KIRREL3: variants seen among roughly 807,000 people sequenced by gnomAD.
KIRREL3 encodes the protein kin of IRRE-like protein 3.
Under a neutral mutation model 89.7 loss-of-function variants are expected in KIRREL3, and 36 were observed. The observed-to-expected ratio is 0.40, with a 90% CI of 0.31 to 0.53. The LOEUF is 0.53. Among genes scored for constraint, KIRREL3 ranks in the 20% least tolerant of loss-of-function variants. KIRREL3 has a pLI of 0.49. For synonymous variants in KIRREL3, 445 were observed against 441.4 expected, an observed-to-expected ratio of 1.01 and a Z score of -0.10; for missense variants, 864 against 1,056.6, an observed-to-expected ratio of 0.82 and a Z score of 2.53.
chr11:126,787,979 A>G (rs11220608), intron 1 of KIRREL3, among the ~76,000 whole-genome samples: 37,864 of 152,084 alleles, frequency 0.25, 4,793 homozygotes, highest in South Asian at 0.3. Context: ...TGTAGCTTCT[A>G]TTATCATCAT....
chr11:126,887,977 T>C (rs1038654019), intron 1 of KIRREL3, among the ~76,000 whole-genome samples: 28 of 152,210 alleles, frequency 1.8e-4, no homozygotes, highest in Non-Finnish European at 3.2e-4. Context: ...TGAGTGGTCT[T>C]GGGCAAATCT....
intron 1 of KIRREL3, among the ~76,000 whole-genome samples, chr11:126,757,813 T>A (rs1387324676): frequency 1.3e-5 from 2 of 152,108 alleles, no homozygotes; most frequent in Non-Finnish European, 2.9e-5. Context: ...ACTAAGGAAA[T>A]CTAGTCAAGG....
At chr11:126,534,584 C>G (rs1444364796) in intron 2 of KIRREL3, among the ~76,000 whole-genome samples, 1 of 152,160 alleles carries the variant, frequency 6.6e-6, no homozygotes, top group Non-Finnish European at 1.5e-5. Flanking sequence ...ATGCTTGCCC[C>G]CAGCCTGTGC....
At chr11:126,450,449 G>A (rs943682371) in intron 7 of KIRREL3, among the ~76,000 whole-genome samples, 15 of 147,442 alleles carry the variant, frequency 1.0e-4, no homozygotes, top group Middle Eastern at 3.4e-3. Context: ...GTGTATGTGC[G>A]CATCTGTGAG....
Position 126,424,631 on chromosome 11 carries a change from C to T in KIRREL3, c.2286G>A (p.Gln762=), listed in dbSNP as rs1169329679. The T allele has an allele frequency of 1.9e-6, 3 of 1,613,938 alleles. No homozygotes were observed. In the South Asian group the frequency reaches 3.3e-5, roughly 18 times the overall value. Reference sequence around the variant, plus strand: ...GCAGGGGTCGACTGGGGTCAGAGTTCTGGGACGAGGACTGGGAGTGGTGGG... The same window carrying T: ...GCAGGGGTCGACTGGGGTCAGAGTTTTGGGACGAGGACTGGGAGTGGTGGG... ...SSSHHSQSSS[Q]NSDPSRPLQR... is the part of the protein sequence containing the mutation. The change falls in exon 17 of 17, where the codon CAG becomes CAA. Residue 762 remains glutamine, a synonymous_variant. Coordinates refer to ENST00000525144, the MANE Select transcript of KIRREL3 (RefSeq NM_032531.4).
chr11:126,526,772 GGC>G lies in KIRREL3; in HGVS notation c.134-87_134-86del. 7.0e-7 allele frequency: 1 copy of G among 1,433,024 alleles called. No homozygotes were observed. Among genetic ancestry groups the G allele is most frequent in the Non-Finnish European group, 9.5e-7 (1 of 1,053,434 alleles). The allele number at this position is 1,433,024 out of a possible 1,614,324, so 88.8% of individuals were successfully genotyped here. Reference sequence around the variant, plus strand: ...CCCTCCAGCTATGGAAGCAGAGCAGGGCTGGCGCAGGAGACTGAGCCTCCTGA... The same window carrying G: ...CCCTCCAGCTATGGAAGCAGAGCAGGTGGCGCAGGAGACTGAGCCTCCTGA... On this transcript the variant is annotated intron_variant, in intron 2 of 16. Coordinates refer to ENST00000525144, the MANE Select transcript of KIRREL3 (RefSeq NM_032531.4). The surrounding 1 kb of genome is among the most constrained non-coding windows in gnomAD (Gnocchi z 5.7).
chr11:126,566,124 A>G lies in KIRREL3; in HGVS notation c.56-3212T>C, dbSNP rs891072637. On this transcript the variant is annotated intron_variant, in intron 1 of 16. Coordinates refer to ENST00000525144, the MANE Select transcript of KIRREL3 (RefSeq NM_032531.4). This position sits in a 1 kb window ranked among gnomAD's most constrained non-coding sequence, Gnocchi z 4.9. ...AGTAGCAGAAACACCCAGATACTCT[A>G]AAGCTGGCTATGGAAAAATAATTAC... Among the ~76,000 whole-genome samples, 1 of 125,758 alleles carries G rather than the reference A, an allele frequency of 8.0e-6. No individual in the cohort carries two copies. Among genetic ancestry groups the G allele is most frequent in the African/African-American group, 3.6e-5 (1 of 28,054 alleles). The allele number at this position is 125,758 out of a possible 152,430, so 82.5% of individuals were successfully genotyped here.
At chr11:126,819,960 G>T (rs1212057534) in intron 1 of KIRREL3, among the ~76,000 whole-genome samples, 2 of 152,188 alleles carry the variant, frequency 1.3e-5, no homozygotes, top group African/African-American at 4.8e-5. Context: ...GGCTAATTAG[G>T]TTATTTATTT....
intron 1 of KIRREL3, among the ~76,000 whole-genome samples, chr11:126,718,425 C>T (rs1948050745): frequency 6.6e-6 from 1 of 152,224 alleles, no homozygotes; most frequent in African/African-American, 2.4e-5. Flanking sequence ...ATCACAGACA[C>T]TAAGCTATTG....
intron 1 of KIRREL3, among the ~76,000 whole-genome samples, chr11:126,577,880 CA>C (rs1204663758): frequency 3.9e-5 from 6 of 152,078 alleles, no homozygotes; most frequent in Non-Finnish European, 8.8e-5. Flanking sequence ...ATTCTTCGAA[CA>C]AAAAGTGTTT....
intron 1 of KIRREL3, among the ~76,000 whole-genome samples, chr11:126,604,861 C>T (rs1262323491): frequency 6.6e-6 from 1 of 152,230 alleles, no homozygotes; most frequent in Non-Finnish European, 1.5e-5. Context: ...TTCACAGAGC[C>T]TCACAGCAGA....
At chr11:126,971,206 G>C (rs957237714) in intron 1 of KIRREL3, among the ~76,000 whole-genome samples, 88 of 152,254 alleles carry the variant, frequency 5.8e-4, no homozygotes, top group African/African-American at 2.1e-3. Context: ...TATGAAAAGG[G>C]TAATGTTTGG....
chr11:126,923,202 T>TTCTTC lies in KIRREL3; in HGVS notation c.55+77248_55+77252dup, dbSNP rs1565423415. Among the ~76,000 whole-genome samples the TTCTTC allele has an allele frequency of 2.2e-3, 17 of 7,756 alleles. 3 individuals are homozygous for TTCTTC. The highest frequency in any genetic ancestry group is 3.1e-3 in the Non-Finnish European group (15 of 4,898). 5.1% of individuals were successfully genotyped at this position (7,756 alleles called of 152,430 possible). On this transcript the variant is annotated intron_variant, in intron 1 of 16. Transcript: ENST00000525144. ...TCTTCTTCTTCTCTTCTTCTTCTTC[T>TTCTTC]TCTTCTTCTTCTTCTTCTTCTTCTT...
intron 1 of KIRREL3, among the ~76,000 whole-genome samples, chr11:126,910,712 C>G (rs1946782399): frequency 6.6e-6 from 1 of 152,220 alleles, no homozygotes; most frequent in African/African-American, 2.4e-5. Context: ...GACTAGGGTT[C>G]AAACCCCAAC....
chr11:126,478,569 ATATG>A (rs879491745), intron 4 of KIRREL3, among the ~76,000 whole-genome samples: 12 of 151,372 alleles, frequency 7.9e-5, no homozygotes, highest in Non-Finnish European at 1.6e-4. Flanking sequence ...GTATGTGTAT[ATATG>A]TGTGTACACG....
chr11:126,867,702 T>G lies in KIRREL3; in HGVS notation c.55+132753A>C, dbSNP rs987367146. Among the ~76,000 whole-genome samples the G allele has an allele frequency of 9.2e-5, 14 of 152,224 alleles. No individual in the cohort carries two copies. Among genetic ancestry groups the G allele is most frequent in the Non-Finnish European group, 1.9e-4 (13 of 68,040 alleles). On this transcript the variant is annotated intron_variant, in intron 1 of 16. Coordinates refer to ENST00000525144, the MANE Select transcript of KIRREL3 (RefSeq NM_032531.4). This position sits in a 1 kb window ranked among gnomAD's most constrained non-coding sequence, Gnocchi z 4.7. ...GGCACAGCCTCTCTTGGATACTTAT[T>G]TAAAGCTACATTCAGCTAGGATGTA...
At chr11:126,882,674 GATCTTTGACATTCTCGACT>G (rs1945548165) in intron 1 of KIRREL3, among the ~76,000 whole-genome samples, 2 of 152,194 alleles carry the variant, frequency 1.3e-5, no homozygotes, top group African/African-American at 4.8e-5. Context: ...GGCAAGAGCC[GATCTTTGACATTCTCGACT>G]GCCTAAAGTG....
chr11:126,435,153 C>T (rs1437114020), intron 13 of KIRREL3, 115 bp downstream of exon 13: 16 of 1,083,234 alleles, frequency 1.5e-5, no homozygotes, highest in Middle Eastern at 2.0e-4. Context: ...CGGGGGAGGG[C>T]GGAGACACTA....
chr11:126,874,585 A>T (rs1945209578), intron 1 of KIRREL3, among the ~76,000 whole-genome samples: 1 of 152,208 alleles, frequency 6.6e-6, no homozygotes, highest in African/African-American at 2.4e-5. Flanking sequence ...CTTTATTTTC[A>T]GGGTAGGTCT....
Sources: gnomAD v4.1 joint callset for allele counts (sites outside exome capture counted in the v4.1 genomes callset) on GRCh38, gnomAD v4.1.1 for gene constraint, Gnocchi (gnomAD v3.1) non-coding constraint, MANE v1.5 for transcripts, NCBI Gene and HGNC (gene_info 2026-07-23, HGNC 2026-07-21) for gene names.